Variants in FAAP20 observed in about 807,000 individuals in gnomAD.
FAAP20 encodes the protein FA core complex associated protein 20.
In FAAP20, 12 loss-of-function variants were observed where a neutral mutation model predicts 16.2. The observed-to-expected ratio is 0.74, with a 90% CI of 0.48 to 1.20. The LOEUF (loss-of-function observed/expected upper bound fraction) is 1.20. FAAP20 is among the 50% of genes most tolerant of loss of function. FAAP20 has a pLI of 0.00. For synonymous variants in FAAP20, 141 were observed against 110.7 expected, an observed-to-expected ratio of 1.27 and a Z score of -1.72; for missense variants, 288 against 245.8, an observed-to-expected ratio of 1.17 and a Z score of -1.15.
chr1:2,193,426 G>A, intron 3 of FAAP20: 2 of 729,990 alleles, frequency 2.7e-6, no homozygotes, highest in Non-Finnish European at 4.2e-6. Flanking sequence ...CCCCCAGCCT[G>A]CCCTGCCCAC....
chr1:2,199,596 G>C (rs1329974420), upstream of FAAP20: 17 of 985,730 alleles, frequency 1.7e-5, no homozygotes, highest in Middle Eastern at 5.2e-4. The surrounding 1 kb of genome is among the most constrained non-coding windows in gnomAD (Gnocchi z 4.5). Flanking sequence ...TCTGGGGAAG[G>C]CAAGTCACAG....
downstream of FAAP20, among the ~76,000 whole-genome samples, chr1:2,188,620 G>A (rs942191261): frequency 5.9e-5 from 9 of 152,170 alleles, no homozygotes; most frequent in African/African-American, 9.7e-5. Context: ...TTCAACCTAG[G>A]GATTGGGGAG....
downstream of FAAP20, among the ~76,000 whole-genome samples, chr1:2,208,532 G>C (rs1039768840): frequency 6.6e-6 from 1 of 152,206 alleles, no homozygotes; most frequent in South Asian, 2.1e-4. Flanking sequence ...GCTGGGAGGG[G>C]GTGAGTACCA....
At chr1:2,185,889 C>T (rs1687521779), downstream of FAAP20, 2 of 358,690 alleles carry the variant, frequency 5.6e-6, no homozygotes, top group Non-Finnish European at 1.1e-5. Flanking sequence ...TGTGACGGAC[C>T]CCAGCCTTAA....
chr1:2,204,652 A>G (rs530680), upstream of FAAP20, among the ~76,000 whole-genome samples: 31,135 of 151,812 alleles, frequency 0.21, 5,509 homozygotes, highest in African/African-American at 0.48. Flanking sequence ...ATTCCCTCCC[A>G]CTGCCCCTGA....
At chr1:2,208,774 G>A (rs550199856), downstream of FAAP20, among the ~76,000 whole-genome samples, 55 of 152,360 alleles carry the variant, frequency 3.6e-4, no homozygotes, top group African/African-American at 1.2e-3. Context: ...CGGGCCAGGC[G>A]AGAGCCCTCC....
chr1:2,198,656 G>T, upstream of FAAP20: 2 of 1,208,122 alleles, frequency 1.7e-6, no homozygotes, highest in South Asian at 2.9e-5. Context: ...TGGCCGACAG[G>T]CACCCTGGGC....
intron 3 of FAAP20, chr1:2,192,528 C>G (rs1207438423): frequency 6.0e-6 from 6 of 1,004,396 alleles, no homozygotes; most frequent in Non-Finnish European, 7.1e-6. Flanking sequence ...AAAAGCCCCT[C>G]CCCGGGGGGC....
chr1:2,204,199 T>G (rs1478280017), upstream of FAAP20, among the ~76,000 whole-genome samples: 1 of 152,192 alleles, frequency 6.6e-6, no homozygotes, highest in Non-Finnish European at 1.5e-5. Context: ...GGTCACTATC[T>G]CTGCAGCCCG....
chr1:2,185,128 G>A (rs935503928), downstream of FAAP20: 11 of 980,008 alleles, frequency 1.1e-5, no homozygotes, highest in South Asian at 2.9e-5. Flanking sequence ...AGACGCTTGC[G>A]CCGAGACCGC....
downstream of FAAP20, chr1:2,185,557 C>T (rs553522690): frequency 2.2e-4 from 154 of 711,500 alleles, no homozygotes; most frequent in African/African-American, 2.2e-3. Flanking sequence ...CTAAAAACCC[C>T]GGTAAGTTCC....
At chr1:2,201,597 C>T (rs1689050238), upstream of FAAP20, among the ~76,000 whole-genome samples, 1 of 152,174 alleles carries the variant, frequency 6.6e-6, no homozygotes, top group Non-Finnish European at 1.5e-5. Flanking sequence ...TGCCGTGCGC[C>T]CATAGTCCCA....
At chr1:2,192,025 C>T in intron 3 of FAAP20, 1 of 985,576 alleles carries the variant, frequency 1.0e-6, no homozygotes, top group Non-Finnish European at 1.2e-6. Context: ...GGCCTCCTGG[C>T]AGCTCCACTC....
chr1:2,189,763 A>C lies in FAAP20; in HGVS notation c.489T>G (p.Val163=), dbSNP rs1166700850. The part of the protein sequence containing the change: ...EFAPRLTQLD[V]DSHLAQCLAE... The stretch of plus-strand genomic sequence containing the variant: ...CCAAGCACTGGGCCAGGTGGCTGTC[A>C]ACATCCAGCTGGGTCAGCCTGCAAG... Residue 163 remains valine, a synonymous_variant, in exon 4 of 4, where the codon GTT becomes GTG. Transcript: ENST00000378546. The C allele has an allele frequency of 6.2e-7, 1 of 1,612,460 alleles. No homozygotes were observed. The highest frequency in any genetic ancestry group is 1.3e-5 in the African/African-American group (1 of 74,922).
downstream of FAAP20, among the ~76,000 whole-genome samples, chr1:2,207,315 G>A (rs937418119): frequency 2.0e-5 from 3 of 152,186 alleles, no homozygotes; most frequent in African/African-American, 7.2e-5. Flanking sequence ...CGGCCTTCTT[G>A]GGCGTGGTCT....
At chr1:2,200,708 A>G, upstream of FAAP20, 2 of 987,246 alleles carry the variant, frequency 2.0e-6, no homozygotes, top group Non-Finnish European at 1.2e-6. Flanking sequence ...CACCAAGTTC[A>G]GCTTGAAAAC....
upstream of FAAP20, chr1:2,198,796 G>A (rs978025149): frequency 8.4e-5 from 108 of 1,289,320 alleles, 1 homozygote; most frequent in Non-Finnish European, 1.0e-4. Context: ...GCCTTCTGAC[G>A]CAGCCAGGAA....
downstream of FAAP20, chr1:2,186,951 T>C (rs946321767): frequency 3.3e-5 from 9 of 271,808 alleles, no homozygotes; most frequent in Admixed American, 2.0e-4. Context: ...TTCAGTAATT[T>C]GTTTTATAAA....
At chr1:2,208,128 G>T (rs1441339462), downstream of FAAP20, among the ~76,000 whole-genome samples, 1 of 151,976 alleles carries the variant, frequency 6.6e-6, no homozygotes, top group African/African-American at 2.4e-5. Context: ...GCCCCTGCCT[G>T]GGGGGGTGAC....
Sources: gnomAD v4.1 joint callset for allele counts (sites outside exome capture counted in the v4.1 genomes callset) on GRCh38, gnomAD v4.1.1 for gene constraint, Gnocchi (gnomAD v3.1) non-coding constraint, MANE v1.5 for transcripts, NCBI Gene and HGNC (gene_info 2026-07-23, HGNC 2026-07-21) for gene names.